The following LSM14A variants were observed in gnomAD, a reference collection of about 807,000 sequenced individuals.
LSM14A encodes the protein protein LSM14 homolog A.
LSM14A carries 14 observed loss-of-function variants against 52.4 expected under a neutral mutation model. The observed-to-expected ratio is 0.27, with a 90% CI of 0.18 to 0.42. LSM14A has a LOEUF of 0.42. Ranked by LOEUF, LSM14A falls within the 10% of genes least tolerant of loss-of-function variation. The pLI is 1.00. For missense variants in LSM14A, 417 were observed against 581.8 expected (o/e 0.72, Z 2.91); for synonymous variants, 185 against 200.3 (o/e 0.92, Z 0.64).
At chr19:34,188,223 T>G (rs553146956) in intron 1 of LSM14A, among the ~76,000 whole-genome samples, 2 of 152,222 alleles carry the variant, frequency 1.3e-5, no homozygotes, top group African/African-American at 4.8e-5. Context: ...GAGGTAAAAG[T>G]TGCAGTGAGC....
chr19:34,200,179 A>G (rs1228372936), intron 3 of LSM14A, among the ~76,000 whole-genome samples: 1 of 152,224 alleles, frequency 6.6e-6, no homozygotes. Context: ...ACAGTTATCC[A>G]CACTCTTCAA....
At chr19:34,175,483 C>T (rs914671633) in intron 1 of LSM14A, among the ~76,000 whole-genome samples, 7 of 152,236 alleles carry the variant, frequency 4.6e-5, no homozygotes, top group African/African-American at 1.4e-4. Context: ...CCACCTGCCT[C>T]AGCCTCCCAG....
At chr19:34,225,543 A>G (rs1599728191) in intron 9 of LSM14A, among the ~76,000 whole-genome samples, 1 of 152,324 alleles carries the variant, frequency 6.6e-6, no homozygotes, top group African/African-American at 2.4e-5. Flanking sequence ...GTTTGGGGGT[A>G]AGCATAAATG....
chr19:34,200,218 A>T (rs143020072), intron 3 of LSM14A, among the ~76,000 whole-genome samples: 2 of 152,366 alleles, frequency 1.3e-5, no homozygotes, highest in African/African-American at 4.8e-5. Flanking sequence ...GAATGGAGAG[A>T]GGCAGCAGAA....
intron 6 of LSM14A, among the ~76,000 whole-genome samples, chr19:34,216,861 T>C (rs1008632548): frequency 7.2e-5 from 11 of 152,342 alleles, no homozygotes; most frequent in Non-Finnish European, 2.9e-5. Context: ...TTTTTATGTT[T>C]TGTGTCAGTT....
chr19:34,218,004 T>TC (rs2072782692), intron 6 of LSM14A, among the ~76,000 whole-genome samples: 1 of 149,068 alleles, frequency 6.7e-6, no homozygotes, highest in Admixed American at 6.7e-5. Flanking sequence ...TTTTTTTTTT[T>TC]TTTTTTTTTT....
At position 34,228,313 on chromosome 19, in the gene LSM14A, G is replaced by C. The variant is rs1399863499; in HGVS notation, c.*925G>C. ...TAGCAAATGGCATATCACAGGATCT[G>C]TCCAGATAATCGATATTTTCAGTAT... On this transcript the variant is annotated 3_prime_UTR_variant, in exon 10 of 10. Transcript: ENST00000544216. 1.3e-5 allele frequency: 2 copies of C among 152,626 alleles called. No homozygotes were observed. Among genetic ancestry groups the C allele is most frequent in the East Asian group, 3.8e-4 (2 of 5,196 alleles). The allele number at this position is 152,626 out of a possible 1,614,324, so 9.5% of individuals were successfully genotyped here.
intron 9 of LSM14A, 62 bp from the exon 10 acceptor site, chr19:34,227,303 G>A: frequency 8.7e-7 from 1 of 1,154,650 alleles, no homozygotes; most frequent in Non-Finnish European, 1.3e-6. Context: ...CTTGAGCAAA[G>A]TAAAAAGAAA....
In LSM14A at chr19:34,196,616, C is replaced by G. The variant is rs2070857775; in HGVS notation, c.286-18C>G. ...TGTTGCTTAGAGCTTGGAAACATAA[C>G]TCATGATTTTCCTTCAGTCCTCACT... On this transcript the variant is annotated intron_variant, in intron 2 of 9. Transcript: ENST00000544216. 9 of 1,574,670 alleles carry G rather than the reference C, an allele frequency of 5.7e-6. No homozygotes were observed. The highest frequency in any genetic ancestry group is 7.7e-6 in the Non-Finnish European group (9 of 1,166,630).
intron 1 of LSM14A, among the ~76,000 whole-genome samples, chr19:34,186,669 C>A (rs2069931745): frequency 1.3e-5 from 2 of 152,178 alleles, no homozygotes; most frequent in Admixed American, 6.5e-5. Flanking sequence ...AAAACCTGAT[C>A]TGTGAACTGA....
chr19:34,225,064 T>G (rs2073269551), intron 9 of LSM14A, among the ~76,000 whole-genome samples: 1 of 152,232 alleles, frequency 6.6e-6, no homozygotes, highest in African/African-American at 2.4e-5. Context: ...TTAGTTTTGT[T>G]CTGCATCACC....
intron 8 of LSM14A, among the ~76,000 whole-genome samples, chr19:34,221,116 C>T (rs1293092157): frequency 7.3e-6 from 1 of 136,330 alleles, no homozygotes. Flanking sequence ...GAGTTTCGCT[C>T]TTGTCACCCA....
At position 34,172,618 on chromosome 19, in the gene LSM14A, A is replaced by T. The variant is rs773970764; in HGVS notation, c.-25A>T. On this transcript the variant is annotated 5_prime_UTR_variant, in exon 1 of 10. Transcript: ENST00000544216. ...GCGTGGGATCTGCCTCTCTGCGAGC[A>T]GCTGGGAGCGGCGGCGGCGGCGCCA... 3 of 1,547,994 alleles carry T rather than the reference A, an allele frequency of 1.9e-6. No individual in the cohort carries two copies. Among genetic ancestry groups the T allele is most frequent in the Non-Finnish European group, 2.6e-6 (3 of 1,149,820 alleles).
intron 1 of LSM14A, among the ~76,000 whole-genome samples, chr19:34,190,496 C>G (rs1353516812): frequency 2.1e-5 from 3 of 145,864 alleles, no homozygotes; most frequent in Non-Finnish European, 4.5e-5. Context: ...CAAATTCTTT[C>G]AAATAAAAAA....
At chr19:34,186,065 C>A (rs191346014) in intron 1 of LSM14A, among the ~76,000 whole-genome samples, 2 of 152,274 alleles carry the variant, frequency 1.3e-5, no homozygotes, top group East Asian at 3.9e-4. Context: ...GCTTTTTCTG[C>A]TGTGTGATTT....
At chr19:34,217,484 A>C (rs2145849097) in intron 6 of LSM14A, among the ~76,000 whole-genome samples, 1 of 151,400 alleles carries the variant, frequency 6.6e-6, no homozygotes, top group East Asian at 1.9e-4. Context: ...GGAATGTATA[A>C]TCTACCTTAT....
chr19:34,183,650 G>A (rs2069669922), intron 1 of LSM14A, among the ~76,000 whole-genome samples: 1 of 152,166 alleles, frequency 6.6e-6, no homozygotes, highest in African/African-American at 2.4e-5. Context: ...AAATAGATGA[G>A]TTTAAATGAC....
At chr19:34,216,149 C>T (rs544751593) in intron 6 of LSM14A, among the ~76,000 whole-genome samples, 155 of 152,256 alleles carry the variant, frequency 1.0e-3, no homozygotes, top group African/African-American at 3.6e-3. Flanking sequence ...CACAGTGGCT[C>T]ACGCCTGTAA....
intron 1 of LSM14A, among the ~76,000 whole-genome samples, chr19:34,186,002 A>G (rs1201604454): frequency 6.6e-6 from 1 of 152,206 alleles, no homozygotes; most frequent in Admixed American, 6.5e-5. Flanking sequence ...AATTTAATTC[A>G]GTTCCCTTGG....
Sources: allele counts gnomAD v4.1 joint callset (sites outside exome capture counted in the v4.1 genomes callset), GRCh38; gene constraint gnomAD v4.1.1; transcripts MANE v1.5; gene names NCBI Gene and HGNC (gene_info 2026-07-23, HGNC 2026-07-21).